The following ZFHX3 variants were observed in gnomAD, a reference collection of about 807,000 sequenced individuals.
ZFHX3 encodes zinc finger homeobox 3.
ZFHX3 carries 42 observed loss-of-function variants against 279.1 expected under a neutral mutation model. That is an observed-to-expected ratio of 0.15 (90% CI 0.12 to 0.19). ZFHX3 has a LOEUF of 0.19. ZFHX3 is among the 10% of genes least tolerant of loss of function. ZFHX3 has a pLI of 1.00. For missense variants in ZFHX3, 4,981 were observed against 4,754.0 expected (o/e 1.05, Z -1.40); for synonymous variants, 2,293 against 1,957.8 (o/e 1.17, Z -4.52).
intron 1 of ZFHX3, among the ~76,000 whole-genome samples, chr16:73,045,695 G>A (rs1965270395): frequency 7.0e-6 from 1 of 143,188 alleles, no homozygotes; most frequent in Non-Finnish European, 1.5e-5. Flanking sequence ...TGAATAGTTA[G>A]CAAGTGTTTC....
intron 3 of ZFHX3, among the ~76,000 whole-genome samples, chr16:73,339,591 C>T (rs988559886): frequency 2.0e-5 from 3 of 152,134 alleles, no homozygotes; most frequent in Non-Finnish European, 2.9e-5. Flanking sequence ...AGACGTTTTG[C>T]CACCTCACCA....
At chr16:73,422,113 A>T (rs2143494375) in intron 3 of ZFHX3, among the ~76,000 whole-genome samples, 1 of 152,330 alleles carries the variant, frequency 6.6e-6, no homozygotes, top group South Asian at 2.1e-4. Flanking sequence ...TCTACTTTAA[A>T]TCCAAGCATC....
At chr16:73,295,967 C>T (rs1200975710) in intron 4 of ZFHX3, among the ~76,000 whole-genome samples, 1 of 152,168 alleles carries the variant, frequency 6.6e-6, no homozygotes, top group African/African-American at 2.4e-5. Flanking sequence ...AGGAATGGTG[C>T]CCCAGCCACT....
chr16:73,526,724 C>A (rs1201814735), intron 2 of ZFHX3, among the ~76,000 whole-genome samples: 1 of 152,140 alleles, frequency 6.6e-6, no homozygotes, highest in African/African-American at 2.4e-5. Context: ...ATGACACTTC[C>A]AGTGTTTTAA....
chr16:73,812,272 T>C (rs1271975454), intron 1 of ZFHX3, among the ~76,000 whole-genome samples: 1 of 152,206 alleles, frequency 6.6e-6, no homozygotes, highest in African/African-American at 2.4e-5. Flanking sequence ...GCTGAAAATC[T>C]GTCCTGGAAA....
chr16:73,854,094 A>G (rs1961657601), intron 1 of ZFHX3, among the ~76,000 whole-genome samples: 1 of 152,246 alleles, frequency 6.6e-6, no homozygotes, highest in Admixed American at 6.5e-5. Flanking sequence ...ATATCTGAGT[A>G]TATAAGTAGA....
chr16:73,093,113 A>G (rs1385974491), intron 8 of ZFHX3: 7 of 519,938 alleles, frequency 1.3e-5, no homozygotes, highest in Non-Finnish European at 2.7e-5. Context: ...TGGATCAAAG[A>G]ACTCTGAAAA....
intron 2 of ZFHX3, among the ~76,000 whole-genome samples, chr16:73,676,805 AG>A (rs1207450157): frequency 6.7e-6 from 1 of 150,212 alleles, no homozygotes; most frequent in Non-Finnish European, 1.5e-5. Flanking sequence ...AATAAAAAAA[AG>A]AGTTTTAATA....
chr16:73,225,090 G>C (rs2012551023), intron 5 of ZFHX3, among the ~76,000 whole-genome samples: 2 of 152,060 alleles, frequency 1.3e-5, no homozygotes, highest in East Asian at 3.9e-4. Context: ...TTATGTACTG[G>C]CTATATATTT....
intron 1 of ZFHX3, among the ~76,000 whole-genome samples, chr16:73,784,796 A>AATATAT (rs1555501447): frequency 1.5e-3 from 200 of 131,102 alleles, no homozygotes; most frequent in Middle Eastern, 7.7e-3. Flanking sequence ...TAAAAAAAAA[A>AATATAT]ATATATATAT....
chr16:73,264,576 T>C (rs1304596319), intron 4 of ZFHX3, among the ~76,000 whole-genome samples: 1 of 151,928 alleles, frequency 6.6e-6, no homozygotes, highest in Non-Finnish European at 1.5e-5. Context: ...CAACCGACTT[T>C]TTTTTTTTTT....
At chr16:73,074,017 CCT>C (rs1965855550) in intron 8 of ZFHX3, among the ~76,000 whole-genome samples, 1 of 152,140 alleles carries the variant, frequency 6.6e-6, no homozygotes, top group Non-Finnish European at 1.5e-5. Flanking sequence ...GTTTGAGATG[CCT>C]CTGTCAGTGA....
At chr16:73,286,738 T>C (rs1281464779) in intron 4 of ZFHX3, among the ~76,000 whole-genome samples, 1 of 147,492 alleles carries the variant, frequency 6.8e-6, no homozygotes, top group East Asian at 2.1e-4. Context: ...TGTGTGGCTG[T>C]GTGGGTTGGT....
intron 1 of ZFHX3, among the ~76,000 whole-genome samples, chr16:73,028,571 C>T (rs1473503435): frequency 6.6e-6 from 1 of 152,208 alleles, no homozygotes; most frequent in Non-Finnish European, 1.5e-5. Flanking sequence ...AGCCCCAAAG[C>T]ACCAACAGAC....
intron 3 of ZFHX3, among the ~76,000 whole-genome samples, chr16:72,892,157 A>C (rs962083717): frequency 4.6e-5 from 7 of 152,230 alleles, no homozygotes; most frequent in Non-Finnish European, 7.3e-5. Flanking sequence ...ACTTTGCTGG[A>C]AGAAGAAACA....
rs535073774 is a variant in ZFHX3, at chr16:73,224,054, T to A, written c.-1104+32993A>T. 1.8e-4 allele frequency among the ~76,000 whole-genome samples: 28 copies of A among 152,314 alleles called. 1 individual carries two copies. The highest frequency in any genetic ancestry group is 1.1e-3 in the Admixed American group (17 of 15,300). On this transcript the variant is annotated intron_variant, in intron 5 of 17. Coordinates refer to the ZFHX3 transcript ENST00000641206. ...GAGGGATGAGTAGGCAGGGCATACA[T>A]GATTTTTAGGGCAGTGAAAGTACTC...
chr16:72,829,978 C>A, intron 4 of ZFHX3, 119 bp from the exon 5 acceptor site: 1 of 1,021,940 alleles, frequency 9.8e-7, no homozygotes, highest in Non-Finnish European at 1.5e-6. Context: ...TCCCCCTTCT[C>A]TTTCCAGAGG....
At chr16:73,361,275 A>C (rs1378285513) in intron 3 of ZFHX3, among the ~76,000 whole-genome samples, 1 of 152,226 alleles carries the variant, frequency 6.6e-6, no homozygotes, top group Non-Finnish European at 1.5e-5. Context: ...TTGGCCGATG[A>C]GACGGTGGCA....
intron 1 of ZFHX3, among the ~76,000 whole-genome samples, chr16:73,831,386 A>G (rs1476133687): frequency 6.6e-6 from 1 of 152,192 alleles, no homozygotes; most frequent in Non-Finnish European, 1.5e-5. Context: ...GGCTCTGATG[A>G]GAGGTGCTAA....
Sources: gnomAD v4.1 joint callset for allele counts (sites outside exome capture counted in the v4.1 genomes callset) on GRCh38, gnomAD v4.1.1 for gene constraint, MANE v1.5 for transcripts, NCBI Gene and HGNC (gene_info 2026-07-23, HGNC 2026-07-21) for gene names.